MAP3K4: variants seen among roughly 807,000 people sequenced by gnomAD.
MAP3K4 encodes MAP three kinase 1.
MAP3K4 carries 67 observed loss-of-function variants against 185.6 expected under a neutral mutation model. The observed-to-expected ratio is 0.36, with a 90% CI of 0.30 to 0.44. MAP3K4 has a LOEUF of 0.44. Ranked by LOEUF, MAP3K4 falls within the 20% of genes least tolerant of loss-of-function variation. The pLI, the probability that MAP3K4 is intolerant of heterozygous loss-of-function variation, is 1.00. For missense variants in MAP3K4, 1,551 were observed against 1,995.1 expected (o/e 0.78, Z 4.24); for synonymous variants, 702 against 710.4 (o/e 0.99, Z 0.19).
At chr6:161,050,740 C>T (rs1228727183) in intron 3 of MAP3K4, among the ~76,000 whole-genome samples, 1 of 152,070 alleles carries the variant, frequency 6.6e-6, no homozygotes, top group Non-Finnish European at 1.5e-5. Context: ...CTTGAGAGTC[C>T]AAAATAGTAC....
chr6:160,994,374 A>C (rs1328170779), intron 1 of MAP3K4, among the ~76,000 whole-genome samples: 2 of 152,158 alleles, frequency 1.3e-5, no homozygotes, highest in Non-Finnish European at 2.9e-5. Flanking sequence ...CTCACTTATA[A>C]GTGAATACGA....
intron 4 of MAP3K4, among the ~76,000 whole-genome samples, chr6:161,072,805 G>C (rs1288356099): frequency 6.6e-6 from 1 of 152,144 alleles, no homozygotes; most frequent in Non-Finnish European, 1.5e-5. Context: ...AATGGGGAGG[G>C]CTTTCCAGAT....
At chr6:161,013,144 C>T (rs1781925054) in intron 1 of MAP3K4, among the ~76,000 whole-genome samples, 1 of 152,260 alleles carries the variant, frequency 6.6e-6, no homozygotes, top group Non-Finnish European at 1.5e-5. Context: ...TAGTGCTTAC[C>T]TTACTGTATT....
rs1430130161 is a variant in MAP3K4 at position 161,107,525 on chromosome 6, A to G, written c.4049-374A>G. Among the ~76,000 whole-genome samples the G allele has an allele frequency of 2.0e-5, 3 of 152,188 alleles. No individual in the cohort carries two copies. The highest frequency in any genetic ancestry group is 4.4e-5 in the Non-Finnish European group (3 of 68,032). On this transcript the variant is annotated intron_variant, in intron 20 of 26. Coordinates refer to ENST00000392142, the MANE Select transcript of MAP3K4 (RefSeq NM_005922.4). This position sits in a 1 kb window ranked among gnomAD's most constrained non-coding sequence, Gnocchi z 6.2. ...TGTGCCAGTGAGGAAGACAATGGTC[A>G]GGCTTAGTCCTGGCTGTTTTCTGCT...
intron 3 of MAP3K4, among the ~76,000 whole-genome samples, chr6:161,065,831 G>C (rs1002187034): frequency 6.6e-6 from 1 of 151,150 alleles, no homozygotes; most frequent in African/African-American, 2.4e-5. Context: ...CCAGCTACTC[G>C]GGAGGCTGAG....
chr6:161,095,858 A>G (rs971147355), intron 15 of MAP3K4, among the ~76,000 whole-genome samples: 4 of 152,248 alleles, frequency 2.6e-5, no homozygotes, highest in African/African-American at 9.6e-5. Context: ...AGTGTTACAT[A>G]TACCTACTAT....
intron 1 of MAP3K4, among the ~76,000 whole-genome samples, chr6:160,994,529 A>T (rs1354913537): frequency 1.3e-5 from 2 of 151,940 alleles, no homozygotes; most frequent in African/African-American, 4.8e-5. Context: ...TTATCCACTC[A>T]TTGGTTGATG....
At chr6:161,058,775 T>TAG (rs1784359708) in intron 3 of MAP3K4, among the ~76,000 whole-genome samples, 1 of 152,062 alleles carries the variant, frequency 6.6e-6, no homozygotes, top group East Asian at 1.9e-4. Flanking sequence ...TATATATATA[T>TAG]AGCTCTCGTT....
At position 161,098,246 on chromosome 6, in the gene MAP3K4, A is replaced by G. The variant is rs1256533740; in HGVS notation, c.3525-32A>G. ...TTTCAAGTCCGTTCCCTCTTCTCACATGTGTTCCTGAAGCTTTTCTTCTTG... is the reference window on the plus strand; with the variant it reads ...TTTCAAGTCCGTTCCCTCTTCTCACGTGTGTTCCTGAAGCTTTTCTTCTTG... On this transcript the variant is annotated intron_variant, in intron 16 of 26. Coordinates refer to ENST00000392142, the MANE Select transcript of MAP3K4 (RefSeq NM_005922.4). The surrounding 1 kb of genome is among the most constrained non-coding windows in gnomAD (Gnocchi z 4.4). 1.3e-6 allele frequency: 2 copies of G among 1,595,450 alleles called. No individual in the cohort carries two copies. The highest frequency in any genetic ancestry group is 1.7e-6 in the Non-Finnish European group (2 of 1,168,430).
chr6:161,036,670 T>G (rs1175125547), intron 2 of MAP3K4, among the ~76,000 whole-genome samples: 1 of 152,196 alleles, frequency 6.6e-6, no homozygotes, highest in African/African-American at 2.4e-5. Flanking sequence ...AATTACTGGG[T>G]GCTTACTATC....
chr6:160,999,948 C>T (rs1209110955), intron 1 of MAP3K4, among the ~76,000 whole-genome samples: 1 of 152,100 alleles, frequency 6.6e-6, no homozygotes. Context: ...TTCTTGCTCG[C>T]AGAATAAAGA....
rs572610150 is a variant in MAP3K4 at position 161,071,397 on chromosome 6, G to A, written c.1950+547G>A. 6.6e-6 allele frequency among the ~76,000 whole-genome samples: 1 copy of A among 152,098 alleles called. No individual in the cohort carries two copies. The highest frequency in any genetic ancestry group is 2.1e-4 in the South Asian group (1 of 4,818). On this transcript the variant is annotated intron_variant, in intron 4 of 26. Transcript: ENST00000392142. The surrounding 1 kb of genome is among the most constrained non-coding windows in gnomAD (Gnocchi z 4.6). Reference sequence around the variant, plus strand: ...TCCAGCAGAGTGAGTGCTGAAGAGGGTCTGTATTTATTATTTATGATATTA... The same window carrying A: ...TCCAGCAGAGTGAGTGCTGAAGAGGATCTGTATTTATTATTTATGATATTA...
At chr6:161,009,008 C>T (rs1341681767) in intron 1 of MAP3K4, among the ~76,000 whole-genome samples, 13 of 142,714 alleles carry the variant, frequency 9.1e-5, no homozygotes, top group South Asian at 2.2e-4. Context: ...TTTTTTGAGA[C>T]GGAATCTCAC....
intron 23 of MAP3K4, among the ~76,000 whole-genome samples, chr6:161,111,306 C>A (rs1778339037): frequency 6.6e-6 from 1 of 152,158 alleles, no homozygotes; most frequent in African/African-American, 2.4e-5. Flanking sequence ...AACAGTATTC[C>A]CAAATTCTAA....
In MAP3K4 at chr6:161,109,699, T is replaced by A; in HGVS notation, c.4237-56T>A. The A allele has an allele frequency of 6.3e-7, 1 of 1,588,996 alleles. No homozygotes were observed. Among genetic ancestry groups the A allele is most frequent in the African/African-American group, 1.3e-5 (1 of 74,424 alleles). On this transcript the variant is annotated intron_variant, in intron 22 of 26. Coordinates refer to ENST00000392142, the MANE Select transcript of MAP3K4 (RefSeq NM_005922.4). The surrounding 1 kb of genome is among the most constrained non-coding windows in gnomAD (Gnocchi z 5.7). Reference sequence around the variant, plus strand: ...CTAGGAAGTTTTCCAGATTTTTCACTAGCGTACATCTAAGGAAAACCGTAA... The same window carrying A: ...CTAGGAAGTTTTCCAGATTTTTCACAAGCGTACATCTAAGGAAAACCGTAA...
rs1784225299 is a variant in MAP3K4 at position 161,056,131 on chromosome 6, T to G, written c.1707+6152T>G. Among the ~76,000 whole-genome samples the G allele has an allele frequency of 6.6e-6, 1 of 152,350 alleles. No homozygotes were observed. Among genetic ancestry groups the G allele is most frequent in the East Asian group, 1.9e-4 (1 of 5,186 alleles). ...CTCTTTCAGTTGCCTTCTGTGTCGT[T>G]TGATATGCTCCCCTCTTTTGTTGTA... is the stretch of plus-strand genomic sequence containing the variant. On this transcript the variant is annotated intron_variant, in intron 3 of 26. Transcript: ENST00000392142. This position sits in a 1 kb window ranked among gnomAD's most constrained non-coding sequence, Gnocchi z 5.4.
rs148859952 is a variant in MAP3K4, at chr6:161,044,776, CAAG to C, written c.344-3836_344-3834del. Among the ~76,000 whole-genome samples the C allele has an allele frequency of 7.9e-3, 1,207 of 152,288 alleles. 15 individuals are homozygous for C. The highest frequency in any genetic ancestry group is 0.027 in the African/African-American group (1,127 of 41,554). On this transcript the variant is annotated intron_variant, in intron 2 of 26. Coordinates refer to ENST00000392142, the MANE Select transcript of MAP3K4 (RefSeq NM_005922.4). ...ATCAACTCAGCTTCTGGTGAAGCCTCAAGAAGCTTTTACTCATGGTGGAAGGTG... is the reference window on the plus strand; with the variant it reads ...ATCAACTCAGCTTCTGGTGAAGCCTCAAGCTTTTACTCATGGTGGAAGGTG...
At chr6:161,047,897 G>A (rs977663002) in intron 2 of MAP3K4, among the ~76,000 whole-genome samples, 2 of 152,068 alleles carry the variant, frequency 1.3e-5, no homozygotes, top group East Asian at 1.9e-4. Flanking sequence ...TGCTTTTTTC[G>A]CATTAATTGT....
chr6:161,027,569 T>A (rs1231990347), intron 1 of MAP3K4, among the ~76,000 whole-genome samples: 1 of 152,196 alleles, frequency 6.6e-6, no homozygotes, highest in Non-Finnish European at 1.5e-5. Flanking sequence ...GAGTGGAGAT[T>A]GTAGATGATG....
Sources: allele counts gnomAD v4.1 joint callset (sites outside exome capture counted in the v4.1 genomes callset), GRCh38; gene constraint gnomAD v4.1.1; non-coding constraint Gnocchi (gnomAD v3.1); transcripts MANE v1.5; gene names NCBI Gene and HGNC (gene_info 2026-07-23, HGNC 2026-07-21).